CYP2U1: variants seen among roughly 807,000 people sequenced by gnomAD.
CYP2U1 encodes the protein cytochrome P450 family 2 subfamily U member 1.
Under a neutral mutation model 42.8 loss-of-function variants are expected in CYP2U1, and 28 were observed. The ratio of observed to expected loss-of-function variants is 0.65; its 90% CI spans 0.48 to 0.90. The LOEUF (loss-of-function observed/expected upper bound fraction) is 0.90, where lower values mean the gene tolerates loss of function less well. CYP2U1 is among the 40% of genes least tolerant of loss of function. The probability of loss-of-function intolerance (pLI) is 0.00; values close to 1 mark genes in which losing one functional copy is unlikely to be tolerated. For synonymous variants in CYP2U1, 296 were observed against 278.9 expected (o/e 1.06, Z -0.61); for missense variants, 642 against 693.8 (o/e 0.93, Z 0.84).
Position 107,950,334 on chromosome 4 carries a change from C to T in CYP2U1, c.1546C>T (p.Pro516Ser), listed in dbSNP as rs754487808. ...SLMQSFAFALPEDSKKPLLTG... is the reference protein window; with the variant it reads ...SLMQSFAFALSEDSKKPLLTG... ...AATGCAGAGTTTCGCATTTGCTTTA[C>T]CTGAGGATTCTAAGAAGCCCCTCCT... The change falls in exon 5 of 5, where the codon CCT (proline) becomes TCT (serine). Residue 516 changes from proline (P) to serine (S), a missense_variant. Physicochemically the swap from Pro to Ser is moderately conservative, Grantham distance 74 (BLOSUM62 -1). Coordinates refer to ENST00000332884, the MANE Select transcript of CYP2U1 (RefSeq NM_183075.3). The T allele has an allele frequency of 1.2e-6, 2 of 1,613,996 alleles. No individual in the cohort carries two copies. The highest frequency in any genetic ancestry group is 4.5e-5 in the East Asian group (2 of 44,858).
chr4:107,940,545 C>T (rs1733452962), intron 1 of CYP2U1: 1 of 151,850 alleles, frequency 6.6e-6, no homozygotes, highest in Non-Finnish European at 1.5e-5. Context: ...CTTTTTGCCC[C>T]TTGATTTTAC....
intron 3 of CYP2U1, among the ~76,000 whole-genome samples, chr4:107,948,768 A>G (rs960225720): frequency 6.6e-6 from 1 of 152,164 alleles, no homozygotes; most frequent in African/African-American, 2.4e-5. Flanking sequence ...GGCTTGATCT[A>G]GTTTTAAGAC....
At chr4:107,936,178 T>G (rs1045626971) in intron 1 of CYP2U1, 33 of 152,228 alleles carry the variant, frequency 2.2e-4, no homozygotes, top group Admixed American at 2.1e-3. Context: ...ATTGATTCTT[T>G]TCCTAAGCAC....
chr4:107,931,868 G>A lies in CYP2U1; in HGVS notation c.225G>A (p.Val75=), dbSNP rs145192019. 1.9e-6 allele frequency: 3 copies of A among 1,547,348 alleles called. No homozygotes were observed. Among genetic ancestry groups the A allele is most frequent in the Admixed American group, 3.9e-5 (2 of 50,886 alleles). Residue 75 remains valine (V), a synonymous_variant, in exon 1 of 5, where the codon GTG becomes GTA. Coordinates refer to ENST00000332884, the MANE Select transcript of CYP2U1 (RefSeq NM_183075.3). ...PWPLVGNFGH[V]LLPPFLRRRS... Reference sequence around the variant, plus strand: ...CTCTGGTGGGCAACTTCGGTCACGTGCTGCTGCCTCCCTTCCTCCGGCGGC... The same window carrying A: ...CTCTGGTGGGCAACTTCGGTCACGTACTGCTGCCTCCCTTCCTCCGGCGGC...
chr4:107,935,227 A>G (rs1371398539), intron 1 of CYP2U1, among the ~76,000 whole-genome samples: 1 of 152,120 alleles, frequency 6.6e-6, no homozygotes, highest in Non-Finnish European at 1.5e-5. Context: ...CTTGGTGGCT[A>G]CTGTTTGGTT....
At chr4:107,932,188 G>A in intron 1 of CYP2U1, 55 bp downstream of exon 1, 1 of 1,542,354 alleles carries the variant, frequency 6.5e-7, no homozygotes. Flanking sequence ...GAGTCTCCAG[G>A]TGCGTGGGGG....
chr4:107,936,682 T>C (rs1335874688), intron 1 of CYP2U1: 3 of 152,266 alleles, frequency 2.0e-5, no homozygotes, highest in African/African-American at 7.2e-5. Flanking sequence ...AAAAGGTTTG[T>C]ATACATCACA....
In CYP2U1 at chr4:107,950,141, C is replaced by A. The variant is rs530434750; in HGVS notation, c.1457-104C>A. On this transcript the variant is annotated intron_variant, in intron 4 of 4. Transcript: ENST00000332884. Reference sequence around the variant, plus strand: ...CAATTTGACTTAAAAACTCCATCTGCATTTAGAATACTCAATTTAGATATT... The same window carrying A: ...CAATTTGACTTAAAAACTCCATCTGAATTTAGAATACTCAATTTAGATATT... 59 of 1,183,748 alleles carry A rather than the reference C, an allele frequency of 5.0e-5. 1 individual carries two copies. In the South Asian group the frequency reaches 9.0e-4, roughly 18 times the overall value. The allele number at this position is 1,183,748 out of a possible 1,614,324, so 73.3% of individuals were successfully genotyped here.
intron 1 of CYP2U1, among the ~76,000 whole-genome samples, chr4:107,932,862 G>A (rs184844932): frequency 1.3e-5 from 2 of 152,280 alleles, no homozygotes; most frequent in Admixed American, 6.5e-5. Context: ...TGCAAGTAGG[G>A]TAGCCTCCCT....
At chr4:107,941,084 G>A (rs1733476918) in intron 1 of CYP2U1, 1 of 151,876 alleles carries the variant, frequency 6.6e-6, no homozygotes, top group African/African-American at 2.4e-5. Flanking sequence ...TTGACAAAAG[G>A]TACTCTAAGT....
At position 107,950,490 on chromosome 4, in the gene CYP2U1, T is replaced by C; in HGVS notation, c.*67T>C. On this transcript the variant is annotated 3_prime_UTR_variant, in exon 5 of 5. Coordinates refer to ENST00000332884, the MANE Select transcript of CYP2U1 (RefSeq NM_183075.3). ...CATATCCTTCTAAGCAGATTCTTCC[T>C]ACTGCAAAGGACAGTGAATCCAGCA... The C allele has an allele frequency of 6.8e-7, 1 of 1,467,178 alleles. No homozygotes were observed. Among genetic ancestry groups the C allele is most frequent in the Non-Finnish European group, 9.1e-7 (1 of 1,102,146 alleles). The allele number at this position is 1,467,178 out of a possible 1,614,324, so 90.9% of individuals were successfully genotyped here. A position where few individuals can be genotyped will look rare whatever the true frequency, so the allele number is the denominator to read the frequency against.
chr4:107,941,238 T>C lies in CYP2U1; in HGVS notation c.491-3732T>C, dbSNP rs149215547. The C allele has an allele frequency of 7.3e-4, 111 of 152,098 alleles. 1 individual carries two copies. The highest frequency in any genetic ancestry group is 2.6e-3 in the African/African-American group (110 of 41,540). 9.4% of individuals were successfully genotyped at this position (152,098 alleles called of 1,614,324 possible). On this transcript the variant is annotated intron_variant, in intron 1 of 4. Transcript: ENST00000332884. ...ATATATCTGTATTTAACAGCATATA[T>C]ATATATAAATATAAATCTGTATAGC...
rs754039267 is a variant in CYP2U1 at position 107,945,163 on chromosome 4, C to A, written c.684C>A (p.Val228=). Residue 228 remains valine, a synonymous_variant, in exon 2 of 5, where the codon GTC becomes GTA. Coordinates refer to ENST00000332884, the MANE Select transcript of CYP2U1 (RefSeq NM_183075.3). ...FCPFSIISNA[V]SNIICSLCFG... ...CTTTCTCCATCATCAGCAATGCCGTCTCTAACATCATTTGCTCCTTGTGCT... is the reference window on the plus strand; with the variant it reads ...CTTTCTCCATCATCAGCAATGCCGTATCTAACATCATTTGCTCCTTGTGCT... 2.5e-6 allele frequency: 4 copies of A among 1,614,030 alleles called. No individual in the cohort carries two copies. The Admixed American group carries it at 6.7e-5, about 27-fold the overall frequency.
At chr4:107,936,928 CTA>C (rs1474761437) in intron 1 of CYP2U1, among the ~76,000 whole-genome samples, 8 of 152,160 alleles carry the variant, frequency 5.3e-5, no homozygotes, top group Non-Finnish European at 1.2e-4. Flanking sequence ...ATCATATTCT[CTA>C]TTTCACTGTT....
At chr4:107,948,665 C>T (rs1030522977) in intron 3 of CYP2U1, among the ~76,000 whole-genome samples, 8 of 152,302 alleles carry the variant, frequency 5.3e-5, no homozygotes, top group African/African-American at 1.7e-4. Context: ...CTCTCATCTA[C>T]AGTGAACTCT....
Position 107,931,674 on chromosome 4 carries a change from G to A in CYP2U1, c.31G>A (p.Ala11Thr), listed in dbSNP as rs1482495248. Reference sequence around the variant, plus strand: ...GTCTCCGGGGCCGTCGCAGCCGCCGGCCGAGGACCCGCCCTGGCCCGCGCG... The same window carrying A: ...GTCTCCGGGGCCGTCGCAGCCGCCGACCGAGGACCCGCCCTGGCCCGCGCG... MSSPGPSQPPAEDPPWPARLL... is the reference protein window; with the variant it reads MSSPGPSQPPTEDPPWPARLL... Residue 11 changes from alanine (A) to threonine (T), a missense_variant, in exon 1 of 5, where the codon GCC becomes ACC. Physicochemically the swap from Ala to Thr is moderately conservative, Grantham distance 58 (BLOSUM62 0). Coordinates refer to ENST00000332884, the MANE Select transcript of CYP2U1 (RefSeq NM_183075.3). 1.6e-6 allele frequency: 2 copies of A among 1,271,534 alleles called. No homozygotes were observed. The highest frequency in any genetic ancestry group is 2.9e-5 in the South Asian group (1 of 34,420). 78.8% of individuals were successfully genotyped at this position (1,271,534 alleles called of 1,614,324 possible). A position where few individuals can be genotyped will look rare whatever the true frequency, so the allele number is the denominator to read the frequency against.
intron 2 of CYP2U1, 95 bp from the exon 3 acceptor site, chr4:107,947,281 G>A (rs1733727875): frequency 1.8e-6 from 2 of 1,087,446 alleles, no homozygotes; most frequent in Non-Finnish European, 1.4e-6. Context: ...CAACTGACCA[G>A]TTATGCATTA....
intron 1 of CYP2U1, chr4:107,936,564 G>T: frequency 6.5e-6 from 1 of 153,226 alleles, no homozygotes; most frequent in Non-Finnish European, 1.5e-5. Context: ...GGACTTCCCA[G>T]CCTTCAGAAC....
In CYP2U1 at chr4:107,951,158, T is replaced by C. The variant is rs2126203947; in HGVS notation, c.*735T>C. 6.6e-6 allele frequency: 1 copy of C among 152,354 alleles called. No individual in the cohort carries two copies. The highest frequency in any genetic ancestry group is 2.1e-4 in the South Asian group (1 of 4,830). 9.4% of individuals were successfully genotyped at this position (152,354 alleles called of 1,614,324 possible). ...CCCTTGTAGGATTATTATCTAAATT[T>C]ATATGTCTAACTTCTACTACAACTA... On this transcript the variant is annotated 3_prime_UTR_variant, in exon 5 of 5. Coordinates refer to ENST00000332884, the MANE Select transcript of CYP2U1 (RefSeq NM_183075.3).
Sources: allele counts gnomAD v4.1 joint callset (sites outside exome capture counted in the v4.1 genomes callset), GRCh38; gene constraint gnomAD v4.1.1; transcripts MANE v1.5; gene names NCBI Gene and HGNC (gene_info 2026-07-23, HGNC 2026-07-21).